Variants in SOX5 observed in about 807,000 individuals in gnomAD.
SOX5 encodes transcription factor SOX-5.
A neutral mutation model predicts 92.0 loss-of-function variants in SOX5; 9 were observed. The ratio of observed to expected loss-of-function variants is 0.10; its 90% CI spans 0.06 to 0.17. The LOEUF (loss-of-function observed/expected upper bound fraction) is 0.17, where lower values mean the gene tolerates loss of function less well. Among genes scored for constraint, SOX5 ranks in the 10% least tolerant of loss-of-function variants. SOX5 has a pLI of 1.00. For synonymous variants in SOX5, 344 were observed against 336.3 expected, an observed-to-expected ratio of 1.02 and a Z score of -0.25; for missense variants, 642 against 944.5, an observed-to-expected ratio of 0.68 and a Z score of 4.20.
chr12:24,035,064 T>C lies in SOX5; in HGVS notation c.-1-139040A>G, dbSNP rs547664241. ...ATTTTTGTCTGAAATCATGGTTACT[T>C]CTTTGCAATGCTTTTTTCTGTACCT... On this transcript the variant is annotated intron_variant, in intron 4 of 4. Coordinates refer to the SOX5 transcript ENST00000446891. 7.9e-5 allele frequency among the ~76,000 whole-genome samples: 12 copies of C among 152,222 alleles called. No individual in the cohort carries two copies. The East Asian group carries it at 2.3e-3, about 29-fold the overall frequency.
At chr12:24,424,652 CTA>C (rs1566128539) in intron 1 of SOX5, among the ~76,000 whole-genome samples, 1 of 152,156 alleles carries the variant, frequency 6.6e-6, no homozygotes, top group African/African-American at 2.4e-5. Context: ...CTTCCCAACA[CTA>C]TAGTTTCCCC....
rs141254150 is a variant in SOX5, at chr12:24,166,840, G to C, written c.-2+46503C>G. Among the ~76,000 whole-genome samples, 239 of 152,240 alleles carry C rather than the reference G, an allele frequency of 1.6e-3. 2 individuals are homozygous for C. Among genetic ancestry groups the C allele is most frequent in the African/African-American group, 5.5e-3 (229 of 41,552 alleles). ...TTCTACTTTTTTGCTACCAAAAACA[G>C]TGTTGTCTTTTTGTCACCTCTTTGA... On this transcript the variant is annotated intron_variant, in intron 4 of 4. Transcript: ENST00000446891.
intron 2 of SOX5, among the ~76,000 whole-genome samples, chr12:24,321,396 T>C (rs1223715059): frequency 6.6e-6 from 1 of 152,236 alleles, no homozygotes; most frequent in Non-Finnish European, 1.5e-5. Context: ...AAACATTAAA[T>C]AACTGCAATT....
intron 1 of SOX5, among the ~76,000 whole-genome samples, chr12:23,946,169 A>T (rs1423467447): frequency 6.6e-6 from 1 of 152,158 alleles, no homozygotes; most frequent in Non-Finnish European, 1.5e-5. Context: ...TCCTTTCAAC[A>T]TGTAGAAAAT....
At chr12:23,810,914 T>G (rs544431411) in intron 3 of SOX5, among the ~76,000 whole-genome samples, 1 of 152,128 alleles carries the variant, frequency 6.6e-6, no homozygotes, top group African/African-American at 2.4e-5. Context: ...TGCTTTTTTT[T>G]CCCCTCTCTT....
intron 4 of SOX5, among the ~76,000 whole-genome samples, chr12:24,109,143 C>T (rs1173140974): frequency 9.2e-5 from 14 of 152,040 alleles, no homozygotes; most frequent in Admixed American, 2.0e-4. Flanking sequence ...TAAATAGATA[C>T]CTTGTATGTC....
At chr12:23,631,741 T>G (rs1043466430) in intron 8 of SOX5, among the ~76,000 whole-genome samples, 1 of 152,108 alleles carries the variant, frequency 6.6e-6, no homozygotes, top group African/African-American at 2.4e-5. Flanking sequence ...AATCGACCAT[T>G]ACAATAAAAA....
intron 1 of SOX5, 90 bp from the exon 2 acceptor site, chr12:23,896,114 A>G (rs1179571257): frequency 1.1e-6 from 1 of 893,264 alleles, no homozygotes; most frequent in African/African-American, 1.7e-5. Flanking sequence ...TGTAACAGAA[A>G]TGCCTTTTTG....
intron 4 of SOX5, among the ~76,000 whole-genome samples, chr12:24,073,611 A>G (rs757289277): frequency 6.6e-6 from 1 of 152,194 alleles, no homozygotes; most frequent in Non-Finnish European, 1.5e-5. Flanking sequence ...GCCATTTTCA[A>G]TAAAACTGCC....
At position 24,514,624 on chromosome 12, in the gene SOX5, T is replaced by C. The variant is rs1597479381; in HGVS notation, c.-251+47705A>G. On this transcript the variant is annotated intron_variant, in intron 1 of 4. Coordinates refer to the SOX5 transcript ENST00000446891. ...CATGTATAAGTTCATTGCAGCACTA[T>C]TCACAATAACAAAGACATGGAATCA... 3.3e-5 allele frequency among the ~76,000 whole-genome samples: 5 copies of C among 152,306 alleles called. No homozygotes were observed. The Middle Eastern group carries it at 0.017, about 518-fold the overall frequency.
In SOX5 at chr12:23,530,818, T is replaced by TGTGTGTGTGTGTGTGCGCGCGCGCGC; in HGVS notation, c.*3400_*3401insGCGCGCGCGCGCACACACACACACAC. On this transcript the variant is annotated 3_prime_UTR_variant, in exon 15 of 15. Coordinates refer to ENST00000451604, the MANE Select transcript of SOX5 (RefSeq NM_006940.6). Reference sequence around the variant, plus strand: ...GGGCAAGTGTGTGTGTGTGTGTGTGTGCGCGCGCGCGCGCGCGCATGTGAG... The same window carrying TGTGTGTGTGTGTGTGCGCGCGCGCGC: ...GGGCAAGTGTGTGTGTGTGTGTGTGTGTGTGTGTGTGTGTGCGCGCGCGCGCGCGCGCGCGCGCGCGCGCATGTGAG... 1.5e-5 allele frequency: 2 copies of TGTGTGTGTGTGTGTGCGCGCGCGCGC among 132,052 alleles called. No individual in the cohort carries two copies. Among genetic ancestry groups the TGTGTGTGTGTGTGTGCGCGCGCGCGC allele is most frequent in the South Asian group, 2.7e-4 (1 of 3,720 alleles). 8.2% of individuals were successfully genotyped at this position (132,052 alleles called of 1,614,324 possible).
chr12:23,855,066 A>C (rs2096672191), intron 2 of SOX5, among the ~76,000 whole-genome samples: 1 of 152,058 alleles, frequency 6.6e-6, no homozygotes. Flanking sequence ...TAAAGAAAAA[A>C]AATAGACCCT....
At chr12:23,775,788 T>C (rs2095078469) in intron 3 of SOX5, among the ~76,000 whole-genome samples, 2 of 152,208 alleles carry the variant, frequency 1.3e-5, no homozygotes, top group Non-Finnish European at 1.5e-5. Context: ...GGCACTCTTG[T>C]CCAAAAACCT....
chr12:24,194,929 T>C (rs1956868682), intron 4 of SOX5, among the ~76,000 whole-genome samples: 3 of 152,164 alleles, frequency 2.0e-5, no homozygotes, highest in Admixed American at 1.3e-4. Context: ...TTTTTTCAAT[T>C]ACCGTAGTTC....
intron 4 of SOX5, among the ~76,000 whole-genome samples, chr12:24,205,425 G>A (rs1237536960): frequency 6.6e-6 from 1 of 152,056 alleles, no homozygotes; most frequent in African/African-American, 2.4e-5. Flanking sequence ...AATCATACAA[G>A]GCTCGTGTTA....
Position 23,837,973 on chromosome 12 carries a change from T to G in SOX5, c.481+8010A>C, listed in dbSNP as rs558735559. Among the ~76,000 whole-genome samples, 3 of 124,936 alleles carry G rather than the reference T, an allele frequency of 2.4e-5. No homozygotes were observed. The South Asian group carries it at 7.0e-4, about 29-fold the overall frequency. The allele number at this position is 124,936 out of a possible 152,430, so 82.0% of individuals were successfully genotyped here. A position where few individuals can be genotyped will look rare whatever the true frequency, so the allele number is the denominator to read the frequency against. The stretch of plus-strand genomic sequence containing the variant: ...TATATAGTATATGTTTATATTTATA[T>G]AATATATATTTATATTTATATAATG... On this transcript the variant is annotated intron_variant, in intron 3 of 14. Transcript: ENST00000451604.
intron 1 of SOX5, among the ~76,000 whole-genome samples, chr12:23,928,697 T>G (rs1230942490): frequency 6.6e-6 from 1 of 151,912 alleles, no homozygotes; most frequent in Non-Finnish European, 1.5e-5. Context: ...TGCTTGCTCT[T>G]AGAGTAGGAA....
At chr12:23,883,289 T>G (rs1316613792) in intron 2 of SOX5, among the ~76,000 whole-genome samples, 1 of 152,002 alleles carries the variant, frequency 6.6e-6, no homozygotes, top group Non-Finnish European at 1.5e-5. Context: ...GTGAATTACA[T>G]CCGAGGATAC....
chr12:24,029,299 G>C (rs569816380), intron 4 of SOX5, among the ~76,000 whole-genome samples: 6 of 151,922 alleles, frequency 3.9e-5, no homozygotes, highest in African/African-American at 1.4e-4. Flanking sequence ...ATTAGAGATA[G>C]GGTCTCATTC....
Sources: allele counts gnomAD v4.1 joint callset (sites outside exome capture counted in the v4.1 genomes callset), GRCh38; gene constraint gnomAD v4.1.1; transcripts MANE v1.5; gene names NCBI Gene and HGNC (gene_info 2026-07-23, HGNC 2026-07-21).